The following LYRM4 variants were observed in gnomAD, a reference collection of about 807,000 sequenced individuals.
LYRM4 encodes the protein LYR motif containing 4.
A neutral mutation model predicts 11.7 loss-of-function variants in LYRM4; 9 were observed. That is an observed-to-expected ratio of 0.77 (90% CI 0.46 to 1.34). The LOEUF is 1.34. Among genes scored for constraint, LYRM4 ranks in the 40% most tolerant of loss-of-function variants. The pLI is 0.00. For missense variants in LYRM4, 133 were observed against 112.5 expected, an observed-to-expected ratio of 1.18 and a Z score of -0.82; for synonymous variants, 42 against 40.4, an observed-to-expected ratio of 1.04 and a Z score of -0.15.
intron 2 of LYRM4, chr6:5,186,630 G>A: frequency 1.0e-6 from 1 of 982,598 alleles, no homozygotes; most frequent in Non-Finnish European, 1.2e-6. Context: ...TTGTCTTGGA[G>A]TGGGAATTCA....
chr6:5,202,924 C>T (rs1040532218), intron 2 of LYRM4, among the ~76,000 whole-genome samples: 3 of 152,116 alleles, frequency 2.0e-5, no homozygotes, highest in Non-Finnish European at 2.9e-5. Context: ...TAACCATTAT[C>T]AGTGTGTAGG....
At chr6:5,256,261 G>A (rs558028490) in intron 1 of LYRM4, among the ~76,000 whole-genome samples, 5 of 151,970 alleles carry the variant, frequency 3.3e-5, no homozygotes, top group Admixed American at 3.3e-4. Context: ...AGGCCGAGGT[G>A]GGCGGATCAC....
At chr6:5,172,659 T>A (rs1377070837) in intron 2 of LYRM4, among the ~76,000 whole-genome samples, 1 of 152,152 alleles carries the variant, frequency 6.6e-6, no homozygotes, top group Non-Finnish European at 1.5e-5. Flanking sequence ...AGACACTGTT[T>A]TGTTTATCAC....
At chr6:5,234,049 C>T (rs535088798) in intron 1 of LYRM4, among the ~76,000 whole-genome samples, 1 of 151,468 alleles carries the variant, frequency 6.6e-6, no homozygotes, top group East Asian at 1.9e-4. Context: ...TAAAACGGGT[C>T]ACCACAATTG....
At chr6:5,040,293 C>G in the LYRM4 span, among the ~76,000 whole-genome samples, 1 of 149,656 alleles carries the variant, frequency 6.7e-6, no homozygotes, top group Non-Finnish European at 1.5e-5. Context: ...GCCTGGGTAA[C>G]AGAGTGAGGC....
chr6:5,066,798 C>A, the LYRM4 span: 1 of 742,446 alleles, frequency 1.3e-6, no homozygotes, highest in South Asian at 1.6e-5. Context: ...TAACACCCTC[C>A]TTGGTGAGTT....
At chr6:5,075,320 T>A in the LYRM4 span, among the ~76,000 whole-genome samples, 1 of 152,176 alleles carries the variant, frequency 6.6e-6, no homozygotes. Flanking sequence ...ACTTCTCAGC[T>A]AAATTTGGAG....
intron 2 of LYRM4, among the ~76,000 whole-genome samples, chr6:5,197,304 G>A (rs547844130): frequency 6.6e-6 from 1 of 152,274 alleles, no homozygotes; most frequent in Non-Finnish European, 1.5e-5. Flanking sequence ...TGCCTGAGTT[G>A]GCTGTGCCTG....
intron 2 of LYRM4, among the ~76,000 whole-genome samples, chr6:5,201,168 T>C (rs1043076741): frequency 6.6e-6 from 1 of 152,140 alleles, no homozygotes; most frequent in Non-Finnish European, 1.5e-5. Context: ...GAGTGCAACA[T>C]GGGTATCTGA....
At chr6:5,117,504 G>A (rs373162226) in intron 2 of LYRM4, among the ~76,000 whole-genome samples, 20 of 151,316 alleles carry the variant, frequency 1.3e-4, no homozygotes, top group Admixed American at 9.9e-4. Flanking sequence ...GCAGTGAGCC[G>A]AGATCGCACT....
At chr6:5,079,642 GAGA>G in the LYRM4 span, among the ~76,000 whole-genome samples, 5 of 152,212 alleles carry the variant, frequency 3.3e-5, no homozygotes, top group Non-Finnish European at 7.3e-5. Flanking sequence ...TGCAAAAGGA[GAGA>G]AGAAGATGGA....
intron 1 of LYRM4, among the ~76,000 whole-genome samples, chr6:5,256,723 A>C (rs929415036): frequency 1.3e-5 from 2 of 151,802 alleles, no homozygotes; most frequent in African/African-American, 4.8e-5. Context: ...GTGATTAACT[A>C]CCTCTGCTGG....
chr6:5,238,271 T>G (rs769274242), intron 1 of LYRM4, among the ~76,000 whole-genome samples: 21 of 152,360 alleles, frequency 1.4e-4, no homozygotes, highest in South Asian at 8.3e-4. Flanking sequence ...GATAGGGTTC[T>G]AAAATTTCTT....
the LYRM4 span, among the ~76,000 whole-genome samples, chr6:5,077,259 C>T: frequency 1.1e-4 from 17 of 152,344 alleles, no homozygotes; most frequent in Admixed American, 4.6e-4. Context: ...ACAGTGAGAA[C>T]GCAAAGTTCT....
At chr6:5,128,561 A>G (rs1349792719) in intron 2 of LYRM4, among the ~76,000 whole-genome samples, 1 of 152,228 alleles carries the variant, frequency 6.6e-6, no homozygotes, top group African/African-American at 2.4e-5. Context: ...GAAGGAAATC[A>G]TATCTGGAGA....
intron 2 of LYRM4, among the ~76,000 whole-genome samples, chr6:5,126,883 T>C (rs1763722358): frequency 1.3e-5 from 2 of 152,188 alleles, no homozygotes; most frequent in Admixed American, 6.5e-5. Context: ...TCTGGTGTGC[T>C]GAAAATGTTT....
chr6:5,210,246 T>C (rs751355046), intron 2 of LYRM4, among the ~76,000 whole-genome samples: 67 of 152,154 alleles, frequency 4.4e-4, no homozygotes, highest in Non-Finnish European at 8.2e-4. Context: ...TTTCTGTAAA[T>C]AGAGAAGAAG....
intron 2 of LYRM4, among the ~76,000 whole-genome samples, chr6:5,184,068 A>G (rs998536163): frequency 6.6e-6 from 1 of 152,256 alleles, no homozygotes; most frequent in Non-Finnish European, 1.5e-5. Context: ...AGTAAGAACC[A>G]AAAGTCATAC....
intron 1 of LYRM4, among the ~76,000 whole-genome samples, chr6:5,231,106 G>C (rs1248283320): frequency 1.3e-5 from 2 of 152,136 alleles, no homozygotes; most frequent in Non-Finnish European, 2.9e-5. Flanking sequence ...GTGAAACCGT[G>C]TATCTACTAA....
Sources: allele counts gnomAD v4.1 joint callset (sites outside exome capture counted in the v4.1 genomes callset), GRCh38; gene constraint gnomAD v4.1.1; transcripts MANE v1.5; gene names NCBI Gene and HGNC (gene_info 2026-07-23, HGNC 2026-07-21).